PRKG1: variants seen among roughly 807,000 people sequenced by gnomAD.
The protein encoded by PRKG1 is protein kinase cGMP-dependent 1, also known as cGMP-dependent protein kinase 1.
PRKG1 carries 35 observed loss-of-function variants against 88.1 expected under a neutral mutation model. The ratio of observed to expected loss-of-function variants is 0.40; its 90% CI spans 0.30 to 0.53. PRKG1 has a LOEUF of 0.53. Ranked by LOEUF, PRKG1 falls within the 20% of genes least tolerant of loss-of-function variation. The pLI is 0.59. For synonymous variants in PRKG1, 303 were observed against 292.5 expected (o/e 1.04, Z -0.37); for missense variants, 540 against 839.8 (o/e 0.64, Z 4.41).
intron 4 of PRKG1, among the ~76,000 whole-genome samples, chr10:51,856,134 A>G (rs1240255578): frequency 6.6e-6 from 1 of 152,134 alleles, no homozygotes; most frequent in Non-Finnish European, 1.5e-5. Flanking sequence ...TTATGGGGTC[A>G]TTGCTTCTCT....
intron 5 of PRKG1, among the ~76,000 whole-genome samples, chr10:51,939,467 G>A (rs1842860453): frequency 6.6e-6 from 1 of 152,000 alleles, no homozygotes; most frequent in African/African-American, 2.4e-5. Context: ...TCTGAAGGAT[G>A]TAAAGAAGTA....
intron 2 of PRKG1, among the ~76,000 whole-genome samples, chr10:51,360,948 G>C (rs1426612835): frequency 6.6e-6 from 1 of 151,872 alleles, no homozygotes; most frequent in Non-Finnish European, 1.5e-5. Context: ...TAAGAAACTA[G>C]TGAAGAGCAG....
At chr10:51,195,885 A>G (rs888414140) in intron 2 of PRKG1, among the ~76,000 whole-genome samples, 17 of 152,320 alleles carry the variant, frequency 1.1e-4, no homozygotes, top group Middle Eastern at 3.4e-3. Context: ...TATGAGCTGG[A>G]GATTCCAGTT....
intron 7 of PRKG1, among the ~76,000 whole-genome samples, chr10:52,078,843 G>A (rs1018895139): frequency 2.0e-5 from 3 of 152,178 alleles, no homozygotes; most frequent in African/African-American, 7.2e-5. Flanking sequence ...GACTATATGT[G>A]TTTATGAGAA....
At chr10:51,445,549 C>T (rs781738755) in intron 2 of PRKG1, among the ~76,000 whole-genome samples, 7 of 151,706 alleles carry the variant, frequency 4.6e-5, no homozygotes, top group Non-Finnish European at 8.8e-5. Context: ...ACAACAACAA[C>T]GAACAGTGAA....
At chr10:51,426,116 A>C (rs1336140916) in intron 2 of PRKG1, among the ~76,000 whole-genome samples, 1 of 152,122 alleles carries the variant, frequency 6.6e-6, no homozygotes, top group Non-Finnish European at 1.5e-5. Context: ...TCTCTATTAA[A>C]AAGTACAAAA....
Position 52,161,886 on chromosome 10 carries a change from C to T in PRKG1, c.1002-3C>T, listed in dbSNP as rs759621550. The T allele has an allele frequency of 6.2e-7, 1 of 1,611,930 alleles. No individual in the cohort carries two copies. The highest frequency in any genetic ancestry group is 1.3e-5 in the African/African-American group (1 of 74,838). The stretch of plus-strand genomic sequence containing the variant: ...TAATCACTGTGCTTTTTTCGTCTGA[C>T]AGCTCTTTTAAACATTTGATTGGAG... On this transcript the variant is annotated splice_region_variant and splice_polypyrimidine_tract_variant and intron_variant, in intron 8 of 17. Transcript: ENST00000373980.
rs182814538 is a variant in PRKG1 at position 52,205,059 on chromosome 10, A to G, written c.1076+43096A>G. On this transcript the variant is annotated intron_variant, in intron 9 of 17. Transcript: ENST00000373980. ...CTGCCTTATGCAGATGTAGATAGGG[A>G]TGAAACACGCCCTAATCTCCTGCAG... Among the ~76,000 whole-genome samples, 646 of 152,188 alleles carry G rather than the reference A, an allele frequency of 4.2e-3. 3 individuals carry two copies. Among genetic ancestry groups the G allele is most frequent in the Non-Finnish European group, 8.1e-3 (549 of 67,998 alleles).
At chr10:51,981,338 C>A (rs1844004546) in intron 5 of PRKG1, among the ~76,000 whole-genome samples, 1 of 152,140 alleles carries the variant, frequency 6.6e-6, no homozygotes, top group African/African-American at 2.4e-5. Context: ...ATAATCCCAG[C>A]ACTTTGGGAG....
At chr10:51,598,547 C>A (rs7070720) in intron 3 of PRKG1, among the ~76,000 whole-genome samples, 2 of 152,094 alleles carry the variant, frequency 1.3e-5, no homozygotes, top group Non-Finnish European at 2.9e-5. Context: ...CGTCAGCCAC[C>A]GTGCCTAGCC....
At position 52,280,974 on chromosome 10, in the gene PRKG1, T is replaced by C. The variant is rs2303567; in HGVS notation, c.1545+44T>C. The C allele has an allele frequency of 5.9e-4, 925 of 1,571,716 alleles. 5 individuals are homozygous for C. The East Asian group carries it at 0.019, about 33-fold the overall frequency. On this transcript the variant is annotated intron_variant, in intron 13 of 17. Transcript: ENST00000373980. ...TGCTTTCTGCCCTGCAGATTAAAAA[T>C]ATTTGTTTATAAAACTGTGTTCATT...
intron 2 of PRKG1, among the ~76,000 whole-genome samples, chr10:51,464,846 C>A (rs1011546277): frequency 2.0e-5 from 3 of 147,512 alleles, no homozygotes; most frequent in Non-Finnish European, 4.5e-5. Flanking sequence ...AGCCGAGATC[C>A]CGCCACTGCA....
chr10:51,926,942 G>T (rs138133372), intron 5 of PRKG1, among the ~76,000 whole-genome samples: 293 of 151,972 alleles, frequency 1.9e-3, no homozygotes, highest in African/African-American at 6.8e-3. Context: ...TTGCAGCCTG[G>T]CAAATGTTGG....
rs747786747 is a variant in PRKG1 at position 52,297,981 on chromosome 10, T to A, written c.*4081T>A. The A allele has an allele frequency of 2.0e-5, 3 of 152,170 alleles. No homozygotes were observed. Among genetic ancestry groups the A allele is most frequent in the Non-Finnish European group, 4.4e-5 (3 of 68,022 alleles). 9.4% of individuals were successfully genotyped at this position (152,170 alleles called of 1,614,324 possible). A position where few individuals can be genotyped will look rare whatever the true frequency, so the allele number is the denominator to read the frequency against. ...CTGCCCCTGAATCAACAGACAGAGC[T>A]CTGGGACCTTGGCAATGACTCAGAG... On this transcript the variant is annotated 3_prime_UTR_variant, in exon 18 of 18. Coordinates refer to ENST00000373980, the MANE Select transcript of PRKG1 (RefSeq NM_006258.4).
At chr10:51,089,050 T>C (rs930979334) in intron 1 of PRKG1, among the ~76,000 whole-genome samples, 10 of 152,162 alleles carry the variant, frequency 6.6e-5, no homozygotes, top group Non-Finnish European at 1.5e-4. Flanking sequence ...AACTAGCCCA[T>C]ACCCCTTGTT....
At chr10:51,035,764 T>TA (rs957543177) in intron 1 of PRKG1, among the ~76,000 whole-genome samples, 3 of 152,174 alleles carry the variant, frequency 2.0e-5, no homozygotes, top group Non-Finnish European at 4.4e-5. Flanking sequence ...CAACGGAGCT[T>TA]AAAAAAACTA....
chr10:51,404,236 C>T (rs898908538), intron 2 of PRKG1, among the ~76,000 whole-genome samples: 4 of 152,198 alleles, frequency 2.6e-5, no homozygotes, highest in Non-Finnish European at 4.4e-5. Context: ...ACATGCTTAA[C>T]AAGTCCCAGG....
chr10:51,215,745 T>G (rs748019658), intron 2 of PRKG1, among the ~76,000 whole-genome samples: 1 of 152,302 alleles, frequency 6.6e-6, no homozygotes. Context: ...TTCACCAGTA[T>G]GACAAAAACT....
chr10:51,548,423 A>T (rs1435691556), intron 3 of PRKG1, among the ~76,000 whole-genome samples: 4 of 152,128 alleles, frequency 2.6e-5, no homozygotes, highest in Non-Finnish European at 5.9e-5. Flanking sequence ...TGGTAAATTT[A>T]TCTTATTTTT....
Sources: allele counts gnomAD v4.1 joint callset (sites outside exome capture counted in the v4.1 genomes callset), GRCh38; gene constraint gnomAD v4.1.1; transcripts MANE v1.5; gene names NCBI Gene and HGNC (gene_info 2026-07-23, HGNC 2026-07-21).